The following LRP1B variants were observed in gnomAD, a reference collection of about 807,000 sequenced individuals.
LRP1B encodes the protein low-density lipoprotein receptor-related protein 1B.
Under a neutral mutation model 556.6 loss-of-function variants are expected in LRP1B, and 217 were observed. The ratio of observed to expected loss-of-function variants is 0.39; its 90% CI spans 0.35 to 0.44. The LOEUF is 0.44. Among genes scored for constraint, LRP1B ranks in the 20% least tolerant of loss-of-function variants. LRP1B has a pLI of 1.00. For missense variants in LRP1B, 5,053 were observed against 5,620.8 expected (o/e 0.90, Z 3.23); for synonymous variants, 2,047 against 1,865.8 (o/e 1.10, Z -2.50).
In LRP1B at chr2:140,770,880, C is replaced by T; in HGVS notation, c.5626+1G>A. The T allele has an allele frequency of 6.4e-7, 1 of 1,553,038 alleles. No homozygotes were observed. The highest frequency in any genetic ancestry group is 8.6e-7 in the Non-Finnish European group (1 of 1,156,952). ...AGGTAAGGTTTTTCATGAACTCATA[C>T]CTTGACATGACATACGGTTCTTTTG... On this transcript the variant is annotated splice_donor_variant, in intron 34 of 90. Coordinates refer to ENST00000389484, the MANE Select transcript of LRP1B (RefSeq NM_018557.3). LOFTEE classifies it high-confidence loss of function.
chr2:141,439,742 A>G (rs1358243817), intron 3 of LRP1B, among the ~76,000 whole-genome samples: 1 of 152,204 alleles, frequency 6.6e-6, no homozygotes, highest in Non-Finnish European at 1.5e-5. Context: ...AGAGGAAAAC[A>G]CACACACTCA....
intron 2 of LRP1B, among the ~76,000 whole-genome samples, chr2:141,529,061 C>G (rs554923836): frequency 6.6e-6 from 1 of 152,056 alleles, no homozygotes; most frequent in Admixed American, 6.6e-5. Context: ...TATTAGTGTC[C>G]GACACTTTTT....
At chr2:141,047,904 C>CT (rs1487067152) in intron 11 of LRP1B, among the ~76,000 whole-genome samples, 15 of 152,084 alleles carry the variant, frequency 9.9e-5, no homozygotes, top group African/African-American at 3.6e-4. Context: ...AAGGAGTTAT[C>CT]TGAGTATACC....
chr2:141,648,192 T>A (rs957125952), intron 2 of LRP1B, among the ~76,000 whole-genome samples: 4 of 152,192 alleles, frequency 2.6e-5, no homozygotes, highest in African/African-American at 9.7e-5. Context: ...ACAAAGAGGC[T>A]GGACCTGCAA....
chr2:141,624,215 A>C (rs1446157628), intron 2 of LRP1B, among the ~76,000 whole-genome samples: 1 of 151,984 alleles, frequency 6.6e-6, no homozygotes, highest in African/African-American at 2.4e-5. Context: ...TTTTTTATTC[A>C]CCCAAACAAA....
At chr2:140,770,680 T>C (rs1258955422) in intron 34 of LRP1B, among the ~76,000 whole-genome samples, 1 of 152,078 alleles carries the variant, frequency 6.6e-6, no homozygotes, top group Non-Finnish European at 1.5e-5. Flanking sequence ...AATTAGAATG[T>C]CTTATAAGGC....
At chr2:141,057,762 C>T (rs1699220769) in intron 9 of LRP1B, among the ~76,000 whole-genome samples, 1 of 151,848 alleles carries the variant, frequency 6.6e-6, no homozygotes, top group Non-Finnish European at 1.5e-5. Context: ...ATTGCCCAGT[C>T]TTGGGTACGT....
intron 75 of LRP1B, among the ~76,000 whole-genome samples, chr2:140,355,149 A>G (rs1682152033): frequency 6.6e-6 from 1 of 151,892 alleles, no homozygotes; most frequent in African/African-American, 2.4e-5. Flanking sequence ...TTTGCTGTGG[A>G]ATGTAATTAA....
At chr2:141,380,796 C>T (rs116373071) in intron 3 of LRP1B, among the ~76,000 whole-genome samples, 7,375 of 152,198 alleles carry the variant, frequency 0.048, 216 homozygotes, top group South Asian at 0.08. Flanking sequence ...ACTGGTTTCT[C>T]TTTCACATGT....
chr2:141,344,880 T>C (rs1688190100), intron 3 of LRP1B, among the ~76,000 whole-genome samples: 1 of 152,170 alleles, frequency 6.6e-6, no homozygotes, highest in South Asian at 2.1e-4. Context: ...CCCCTCAAGA[T>C]GCCCACATCT....
intron 2 of LRP1B, among the ~76,000 whole-genome samples, chr2:141,503,392 C>T (rs148240164): frequency 6.6e-6 from 1 of 151,366 alleles, no homozygotes; most frequent in East Asian, 1.9e-4. Flanking sequence ...CACTTATTTC[C>T]AACAGTTTCC....
intron 7 of LRP1B, among the ~76,000 whole-genome samples, chr2:141,120,979 T>G (rs1701033062): frequency 6.6e-6 from 1 of 152,030 alleles, no homozygotes; most frequent in African/African-American, 2.4e-5. Context: ...ATTACTTTAT[T>G]GGGAACAATT....
chr2:140,778,556 A>T (rs1291387852), intron 32 of LRP1B, among the ~76,000 whole-genome samples: 1 of 152,174 alleles, frequency 6.6e-6, no homozygotes, highest in Non-Finnish European at 1.5e-5. Flanking sequence ...GAAAGAAGCA[A>T]TGTTTTTCAA....
At position 141,363,417 on chromosome 2, in the gene LRP1B, T is replaced by A. The variant is rs889181966; in HGVS notation, c.344-108776A>T. Among the ~76,000 whole-genome samples, 73 of 151,276 alleles carry A rather than the reference T, an allele frequency of 4.8e-4. 1 individual carries two copies. Among genetic ancestry groups the A allele is most frequent in the African/African-American group, 1.7e-3 (71 of 40,948 alleles). ...CTGGAGATTGTGTGTTTATATTTCT[T>A]AATGACACTTAGAACATTCTGTTCC... On this transcript the variant is annotated intron_variant, in intron 3 of 90. Transcript: ENST00000389484.
At chr2:141,073,955 C>T (rs1471674052) in intron 7 of LRP1B, among the ~76,000 whole-genome samples, 1 of 152,006 alleles carries the variant, frequency 6.6e-6, no homozygotes, top group Non-Finnish European at 1.5e-5. Context: ...TTTTTCTTAT[C>T]GTAGCCAAAG....
chr2:141,771,066 C>T (rs950003837), intron 2 of LRP1B, among the ~76,000 whole-genome samples: 2 of 152,062 alleles, frequency 1.3e-5, no homozygotes, highest in Non-Finnish European at 2.9e-5. Context: ...TTGTTATCCC[C>T]TCAAAAGACC....
At chr2:141,881,685 T>G (rs1207881891) in intron 1 of LRP1B, among the ~76,000 whole-genome samples, 2 of 152,074 alleles carry the variant, frequency 1.3e-5, no homozygotes, top group Non-Finnish European at 2.9e-5. Flanking sequence ...ATTGCAGGTT[T>G]AGAAAAACTA....
intron 2 of LRP1B, among the ~76,000 whole-genome samples, chr2:141,504,170 T>C (rs1683831242): frequency 6.6e-6 from 1 of 152,178 alleles, no homozygotes; most frequent in Non-Finnish European, 1.5e-5. Context: ...AGAGGTTTCA[T>C]ATTAATTAAG....
chr2:140,877,205 G>A (rs76458822), intron 25 of LRP1B, among the ~76,000 whole-genome samples: 244 of 152,172 alleles, frequency 1.6e-3, no homozygotes, highest in African/African-American at 5.6e-3. Flanking sequence ...ATATATAAAC[G>A]ACTTTCGAAG....
Sources: gnomAD v4.1 joint callset for allele counts (sites outside exome capture counted in the v4.1 genomes callset) on GRCh38, gnomAD v4.1.1 for gene constraint, MANE v1.5 for transcripts, NCBI Gene and HGNC (gene_info 2026-07-23, HGNC 2026-07-21) for gene names.